Variants in MARCHF1 observed in about 807,000 individuals in gnomAD.
MARCHF1 encodes the protein E3 ubiquitin-protein ligase MARCHF1.
A neutral mutation model predicts 54.2 loss-of-function variants in MARCHF1; 40 were observed. That is an observed-to-expected ratio of 0.74 (90% confidence interval 0.57 to 0.96). MARCHF1 has a LOEUF of 0.96. MARCHF1 is among the 40% of genes least tolerant of loss of function. The pLI is 0.00. For missense variants in MARCHF1, 586 were observed against 656.5 expected, an observed-to-expected ratio of 0.89 and a Z score of 1.17; for synonymous variants, 236 against 236.3, an observed-to-expected ratio of 1.00 and a Z score of 0.01.
intron 3 of MARCHF1, among the ~76,000 whole-genome samples, chr4:163,887,550 T>C (rs1008208681): frequency 6.6e-6 from 1 of 152,172 alleles, no homozygotes; most frequent in Admixed American, 6.6e-5. Flanking sequence ...TGAATCAGAA[T>C]TTGCATTTTA....
At chr4:164,182,562 A>T (rs551193797) in intron 1 of MARCHF1, among the ~76,000 whole-genome samples, 1 of 151,908 alleles carries the variant, frequency 6.6e-6, no homozygotes, top group Non-Finnish European at 1.5e-5. Flanking sequence ...TATCCATAAC[A>T]TATAATATAT....
chr4:163,545,106 A>G (rs74455178), intron 9 of MARCHF1, among the ~76,000 whole-genome samples: 2,435 of 152,334 alleles, frequency 0.016, 84 homozygotes, highest in African/African-American at 0.057. Flanking sequence ...CAAACTTCGC[A>G]TGGCTAAAAT....
intron 4 of MARCHF1, among the ~76,000 whole-genome samples, chr4:163,746,328 A>T (rs923588868): frequency 3.9e-5 from 6 of 152,074 alleles, no homozygotes; most frequent in African/African-American, 1.2e-4. Flanking sequence ...ATGTCTTTTT[A>T]TGGCTTGAGA....
At chr4:164,114,165 A>G (rs1333806329) in intron 1 of MARCHF1, among the ~76,000 whole-genome samples, 1 of 151,990 alleles carries the variant, frequency 6.6e-6, no homozygotes, top group African/African-American at 2.4e-5. Flanking sequence ...TCTACCTATC[A>G]GTCGATTTAT....
At chr4:164,169,900 G>A (rs1176360766) in intron 1 of MARCHF1, among the ~76,000 whole-genome samples, 2 of 152,008 alleles carry the variant, frequency 1.3e-5, no homozygotes, top group South Asian at 4.1e-4. Context: ...AATCCACTTG[G>A]TGAATTAAAA....
intron 2 of MARCHF1, among the ~76,000 whole-genome samples, chr4:164,054,832 G>A (rs1185756476): frequency 6.7e-6 from 1 of 149,550 alleles, no homozygotes; most frequent in Non-Finnish European, 1.5e-5. Context: ...AATGCTAGAT[G>A]ACGAGTTAGT....
intron 1 of MARCHF1, among the ~76,000 whole-genome samples, chr4:164,152,085 C>G (rs747404348): frequency 6.6e-6 from 1 of 152,050 alleles, no homozygotes; most frequent in Non-Finnish European, 1.5e-5. Context: ...AATCCTTGCC[C>G]TTATGAAATG....
At chr4:163,793,131 A>C (rs187558531) in intron 4 of MARCHF1, among the ~76,000 whole-genome samples, 57 of 152,312 alleles carry the variant, frequency 3.7e-4, no homozygotes, top group East Asian at 1.2e-3. Context: ...GTTAAAATGG[A>C]ATAAAAAATG....
At chr4:163,820,452 C>T (rs1748660401) in intron 4 of MARCHF1, among the ~76,000 whole-genome samples, 1 of 152,020 alleles carries the variant, frequency 6.6e-6, no homozygotes, top group Non-Finnish European at 1.5e-5. Context: ...TATCCTCTTT[C>T]ACTGGGAAAA....
At chr4:164,269,446 C>G (rs1156894042) in intron 1 of MARCHF1, among the ~76,000 whole-genome samples, 3 of 152,110 alleles carry the variant, frequency 2.0e-5, no homozygotes, top group Non-Finnish European at 2.9e-5. Context: ...TTCAAAACAG[C>G]TTGCATAGAC....
intron 1 of MARCHF1, among the ~76,000 whole-genome samples, chr4:164,140,239 C>CACTA (rs144974771): frequency 2.7e-5 from 4 of 147,320 alleles, no homozygotes; most frequent in African/African-American, 1.0e-4. Flanking sequence ...TACACACACA[C>CACTA]TATATATATA....
intron 1 of MARCHF1, among the ~76,000 whole-genome samples, chr4:164,259,057 A>G (rs1733374589): frequency 6.6e-6 from 1 of 152,206 alleles, no homozygotes; most frequent in Non-Finnish European, 1.5e-5. Context: ...GATGTTTATG[A>G]TATTTAGAGG....
At chr4:164,252,488 C>A (rs934702745) in intron 1 of MARCHF1, among the ~76,000 whole-genome samples, 3 of 152,104 alleles carry the variant, frequency 2.0e-5, no homozygotes, top group African/African-American at 7.2e-5. Flanking sequence ...AAGGCTCCTC[C>A]CTCCCCACAG....
intron 8 of MARCHF1, among the ~76,000 whole-genome samples, chr4:163,574,940 C>T (rs1408818651): frequency 1.3e-5 from 2 of 151,918 alleles, no homozygotes; most frequent in African/African-American, 4.8e-5. Flanking sequence ...ATTCTTCCTA[C>T]CCATGAGCAT....
intron 3 of MARCHF1, among the ~76,000 whole-genome samples, chr4:163,986,760 T>C (rs916202842): frequency 1.1e-4 from 17 of 152,234 alleles, no homozygotes; most frequent in Non-Finnish European, 2.1e-4. Context: ...AATTTCATTA[T>C]TATTTCTAAC....
At chr4:163,903,121 A>C (rs1171723022) in intron 3 of MARCHF1, among the ~76,000 whole-genome samples, 2 of 152,222 alleles carry the variant, frequency 1.3e-5, no homozygotes, top group Non-Finnish European at 2.9e-5. Context: ...CAATACAGAC[A>C]AATCACATAA....
intron 1 of MARCHF1, among the ~76,000 whole-genome samples, chr4:164,172,341 T>C (rs987455284): frequency 2.0e-5 from 3 of 152,232 alleles, no homozygotes; most frequent in Non-Finnish European, 2.9e-5. Flanking sequence ...GTTGATAAGC[T>C]TCAATTTTAT....
chr4:163,777,051 T>C (rs892734097), intron 4 of MARCHF1, among the ~76,000 whole-genome samples: 3 of 152,186 alleles, frequency 2.0e-5, no homozygotes, highest in Non-Finnish European at 2.9e-5. Flanking sequence ...AGAAAAGACA[T>C]AGCCTTTCAA....
intron 5 of MARCHF1, among the ~76,000 whole-genome samples, chr4:163,615,524 G>T (rs1741482273): frequency 6.6e-6 from 1 of 151,816 alleles, no homozygotes; most frequent in Admixed American, 6.6e-5. Flanking sequence ...TAACTAAGAA[G>T]GTGAAAGCTC....
Sources: gnomAD v4.1 joint callset for allele counts (sites outside exome capture counted in the v4.1 genomes callset) on GRCh38, gnomAD v4.1.1 for gene constraint, MANE v1.5 for transcripts, NCBI Gene and HGNC (gene_info 2026-07-23, HGNC 2026-07-21) for gene names.